KIF4A: variants seen among roughly 807,000 people sequenced by gnomAD.
KIF4A encodes chromosome-associated kinesin KIF4A.
A neutral mutation model predicts 105.9 loss-of-function variants in KIF4A; 7 were observed. That is an observed-to-expected ratio of 0.07 (90% confidence interval 0.04 to 0.12). The LOEUF is 0.12. Ranked by LOEUF, KIF4A falls within the 10% of genes least tolerant of loss-of-function variation. The probability of loss-of-function intolerance (pLI) is 1.00; values close to 1 mark genes in which losing one functional copy is unlikely to be tolerated. For missense variants in KIF4A, 558 were observed against 929.2 expected (o/e 0.60, Z 5.19); for synonymous variants, 281 against 331.3 (o/e 0.85, Z 1.65).
intron 15 of KIF4A, among the ~76,000 whole-genome samples, chrX:70,362,844 T>C (rs1239776163): frequency 8.9e-6 from 1 of 112,552 alleles, no homozygotes; most frequent in African/African-American, 3.2e-5. Context: ...AAATAAATTC[T>C]TAATATAATC....
intron 7 of KIF4A, among the ~76,000 whole-genome samples, chrX:70,328,479 T>C (rs907376516): frequency 8.9e-6 from 1 of 111,929 alleles, no homozygotes; most frequent in Non-Finnish European, 1.9e-5. Context: ...TACTATTGCA[T>C]TGGGGGCTAA....
At chrX:70,292,894 G>A (rs1409202873) in intron 3 of KIF4A, among the ~76,000 whole-genome samples, 3 of 112,086 alleles carry the variant, frequency 2.7e-5, no homozygotes, top group Non-Finnish European at 5.6e-5. Context: ...CAATATACAT[G>A]TGTTTGCTTA....
chrX:70,369,193 T>C (rs563685870), intron 15 of KIF4A, among the ~76,000 whole-genome samples: 7 of 112,591 alleles, frequency 6.2e-5, no homozygotes, highest in Middle Eastern at 9.2e-3. Context: ...CCCCTTCCGC[T>C]TCCTGGGTGA....
At position 70,290,486 on chromosome X, in the gene KIF4A, G is replaced by A. The variant is rs1208830485; in HGVS notation, c.28G>A (p.Val10Ile). 6 of 1,209,359 alleles carry A rather than the reference G, an allele frequency of 5.0e-6. No individual in the cohort carries two copies. The highest frequency in any genetic ancestry group is 5.6e-6 in the Non-Finnish European group (5 of 894,976). Residue 10 changes from valine (V) to isoleucine (I), a missense_variant, in exon 2 of 31, where the codon GTA becomes ATA. This residue lies in a region of KIF4A where 89 missense variants were observed against 248.8 expected (regional missense o/e 0.36). Transcript: ENST00000374403. ...GAAGGAAGAGGTGAAGGGAATTCCCGTAAGAGTGGCGCTGCGTTGTCGCCC... is the reference window on the plus strand; with the variant it reads ...GAAGGAAGAGGTGAAGGGAATTCCCATAAGAGTGGCGCTGCGTTGTCGCCC... Reference protein sequence around the residue: MKEEVKGIPVRVALRCRPLV... With the variant: MKEEVKGIPIRVALRCRPLV...
At chrX:70,331,078 T>C (rs2147691971) in intron 9 of KIF4A, among the ~76,000 whole-genome samples, 1 of 111,801 alleles carries the variant, frequency 8.9e-6, no homozygotes, top group South Asian at 3.8e-4. Context: ...AAATCTTAGC[T>C]CTATAACTCA....
In KIF4A at chrX:70,401,855, A is replaced by G. The variant is rs1444982725; in HGVS notation, c.2490-711A>G. On this transcript the variant is annotated intron_variant, in intron 22 of 30. Coordinates refer to ENST00000374403, the MANE Select transcript of KIF4A (RefSeq NM_012310.5). ...AACTACAGTCTTAGATTATTTTCAT[A>G]CCCATCTTCCTTATAGTACCAAACT... 2.7e-5 allele frequency among the ~76,000 whole-genome samples: 3 copies of G among 112,103 alleles called. No homozygotes were observed. In the East Asian group the frequency reaches 8.4e-4, roughly 31 times the overall value.
intron 7 of KIF4A, among the ~76,000 whole-genome samples, chrX:70,304,492 T>C (rs922468246): frequency 2.8e-5 from 3 of 108,471 alleles, no homozygotes; most frequent in Admixed American, 2.0e-4. Context: ...ATTTCTAGTT[T>C]TCGATCCCTG....
intron 7 of KIF4A, among the ~76,000 whole-genome samples, chrX:70,322,143 G>C (rs1385718528): frequency 1.8e-5 from 2 of 108,699 alleles, no homozygotes; most frequent in Non-Finnish European, 3.8e-5. Context: ...CCTGTATGCT[G>C]CCAATCCTAA....
chrX:70,343,648 A>G, intron 11 of KIF4A, 55 bp from the exon 12 acceptor site: 1 of 1,085,823 alleles, frequency 9.2e-7, no homozygotes, highest in Non-Finnish European at 1.3e-6. Flanking sequence ...GGAGAGCATA[A>G]TTATGTGAGG....
intron 15 of KIF4A, among the ~76,000 whole-genome samples, chrX:70,354,715 A>G (rs1231043835): frequency 8.9e-6 from 1 of 111,844 alleles, no homozygotes; most frequent in Non-Finnish European, 1.9e-5. Flanking sequence ...AGAGGTGGAC[A>G]GTTGGCCCAA....
Position 70,382,308 on chromosome X carries a change from G to A in KIF4A, c.2035-4310G>A, listed in dbSNP as rs775748967. ...TAGCTGGGCATGGTCGTACATGCCT[G>A]TAATCCCAGCTACTCTGGAAGCTGA... On this transcript the variant is annotated intron_variant, in intron 18 of 30. Transcript: ENST00000374403. 1.4e-4 allele frequency among the ~76,000 whole-genome samples: 16 copies of A among 111,786 alleles called. No individual in the cohort carries two copies. The East Asian group carries it at 3.7e-3, about 26-fold the overall frequency.
At chrX:70,404,911 GTAATTAACTACTGGAAAAAGTATTTA>G in intron 25 of KIF4A, 89 bp downstream of exon 25, 1 of 568,347 alleles carries the variant, frequency 1.8e-6, no homozygotes, top group Non-Finnish European at 2.9e-6. Flanking sequence ...GCAGCAGAGA[GTAATTAACTACTGGAAAAAGTATTTA>G]TAATGGTAGC....
At position 70,404,733 on chromosome X, in the gene KIF4A, C is replaced by A. The variant is rs1217584638; in HGVS notation, c.2809C>A (p.Gln937Lys). Reference protein sequence around the residue: ...HQEKVLYLLSQLQQSQMAEKQ... With the variant: ...HQEKVLYLLSKLQQSQMAEKQ... Reference sequence around the variant, plus strand: ...TCTCTAGGTGCTGTACCTTCTCAGCCAGCTGCAGCAAAGCCAAATGGCAGA... The same window carrying A: ...TCTCTAGGTGCTGTACCTTCTCAGCAAGCTGCAGCAAAGCCAAATGGCAGA... Residue 937 changes from glutamine to lysine, a missense_variant, in exon 25 of 31, where the codon CAG becomes AAG. This residue lies in a region of KIF4A where 469 missense variants were observed against 680.4 expected (regional missense o/e 0.69). Coordinates refer to ENST00000374403, the MANE Select transcript of KIF4A (RefSeq NM_012310.5). 1.7e-6 allele frequency: 2 copies of A among 1,206,056 alleles called. No individual in the cohort carries two copies.
chrX:70,402,519 G>A (rs147854702), intron 22 of KIF4A, 47 bp from the exon 23 acceptor site: 1 of 1,186,736 alleles, frequency 8.4e-7, no homozygotes, highest in Non-Finnish European at 1.1e-6. Context: ...CCCCCTTCTT[G>A]ATGTTCAGGC....
chrX:70,362,149 C>T, intron 15 of KIF4A: 1 of 230,275 alleles, frequency 4.3e-6, no homozygotes, highest in Non-Finnish European at 8.1e-6. Flanking sequence ...TCGAGAGTCT[C>T]TAGTGACTTA....
rs753861576 is a variant in KIF4A at position 70,341,877 on chromosome X, T to C, written c.1212T>C (p.Arg404=). The change falls in exon 11 of 31, where the codon CGT becomes CGC. Residue 404 remains arginine, a synonymous_variant. Transcript: ENST00000374403. ...SLVEENEKLS[R]GLSEAAGQTA... ...TAGAGGAGAATGAAAAATTAAGTCG[T>C]GGTCTGAGCGAGGCAGCTGGTCAGA... 25 of 1,210,152 alleles carry C rather than the reference T, an allele frequency of 2.1e-5. No homozygotes were observed. In the South Asian group the frequency reaches 4.4e-4, roughly 21 times the overall value.
chrX:70,296,926 G>C, intron 3 of KIF4A, 72 bp from the exon 4 acceptor site: 1 of 1,030,076 alleles, frequency 9.7e-7, no homozygotes, highest in Non-Finnish European at 1.3e-6. Context: ...AATAATTGCT[G>C]AAGGAAATGG....
intron 15 of KIF4A, among the ~76,000 whole-genome samples, chrX:70,372,681 G>A (rs1321121715): frequency 9.0e-6 from 1 of 111,499 alleles, no homozygotes; most frequent in East Asian, 2.8e-4. Flanking sequence ...AGAGGGAGAG[G>A]GAGAGGGAGA....
chrX:70,380,532 G>C (rs1039049084), intron 18 of KIF4A, among the ~76,000 whole-genome samples: 2 of 111,711 alleles, frequency 1.8e-5, no homozygotes, highest in Non-Finnish European at 3.8e-5. Flanking sequence ...CTTCCTCAGC[G>C]TAATAAAGGG....
Sources: gnomAD v4.1 joint callset for allele counts (sites outside exome capture counted in the v4.1 genomes callset) on GRCh38, gnomAD v4.1.1 for gene constraint, gnomAD v4.1.1 regional missense constraint, MANE v1.5 for transcripts, NCBI Gene and HGNC (gene_info 2026-07-23, HGNC 2026-07-21) for gene names.